The following CSNK2A2IP variants were observed in gnomAD, a reference collection of about 807,000 sequenced individuals.
CSNK2A2IP encodes casein kinase II subunit alpha'-interacting protein.
chr3:88,360,854 G>A, the CSNK2A2IP span, among the ~76,000 whole-genome samples: 12 of 151,352 alleles, frequency 7.9e-5, no homozygotes, highest in South Asian at 2.3e-3. Context: ...TTGTAGGTTT[G>A]GCTTTGTGGT....
the CSNK2A2IP span, among the ~76,000 whole-genome samples, chr3:88,440,565 A>T: frequency 2.0e-5 from 3 of 152,190 alleles, no homozygotes; most frequent in Admixed American, 2.0e-4. Context: ...ATGTTTTAAA[A>T]CTTTTTGGAA....
the CSNK2A2IP span, among the ~76,000 whole-genome samples, chr3:88,361,127 T>G: frequency 2.0e-5 from 3 of 152,206 alleles, no homozygotes; most frequent in Non-Finnish European, 4.4e-5. Context: ...CATACTAAAT[T>G]TATGAGTTGT....
chr3:88,430,844 GA>G, the CSNK2A2IP span, among the ~76,000 whole-genome samples: 1 of 151,922 alleles, frequency 6.6e-6, no homozygotes, highest in Non-Finnish European at 1.5e-5. Context: ...CCCATCCACT[GA>G]AATGGTGACA....
the CSNK2A2IP span, among the ~76,000 whole-genome samples, chr3:88,388,005 C>T: frequency 7.1e-3 from 1,087 of 152,240 alleles, 7 homozygotes; most frequent in Non-Finnish European, 0.011. Flanking sequence ...GGGAAATAAA[C>T]ATTATTATAA....
the CSNK2A2IP span, chr3:88,467,059 C>A: frequency 2.1e-6 from 2 of 958,250 alleles, no homozygotes; most frequent in Non-Finnish European, 2.7e-6. Flanking sequence ...ACGGGATATC[C>A]AGGGACTTAA....
At chr3:88,381,096 A>C in the CSNK2A2IP span, among the ~76,000 whole-genome samples, 1 of 152,134 alleles carries the variant, frequency 6.6e-6, no homozygotes, top group Non-Finnish European at 1.5e-5. Context: ...AGCAGGGAAA[A>C]ACCTCAGTGG....
chr3:88,412,408 G>A, the CSNK2A2IP span, among the ~76,000 whole-genome samples: 446 of 152,080 alleles, frequency 2.9e-3, 5 homozygotes, highest in Non-Finnish European at 4.9e-3. Flanking sequence ...GACAAGGAGA[G>A]GCTCATCCCA....
the CSNK2A2IP span, among the ~76,000 whole-genome samples, chr3:88,404,208 G>T: frequency 6.6e-6 from 1 of 152,120 alleles, no homozygotes. Flanking sequence ...GGAAAGGTGT[G>T]GGGCTGCTAG....
the CSNK2A2IP span, among the ~76,000 whole-genome samples, chr3:88,435,273 C>A: frequency 6.6e-6 from 1 of 152,128 alleles, no homozygotes; most frequent in East Asian, 1.9e-4. Context: ...TGAATATTTA[C>A]TTCTGTTTTC....
the CSNK2A2IP span, among the ~76,000 whole-genome samples, chr3:88,440,416 A>T: frequency 6.6e-6 from 1 of 152,118 alleles, no homozygotes; most frequent in African/African-American, 2.4e-5. Context: ...GGCTTCAAAG[A>T]GGAGTTGTGT....
At chr3:88,378,692 T>C in the CSNK2A2IP span, among the ~76,000 whole-genome samples, 1 of 152,090 alleles carries the variant, frequency 6.6e-6, no homozygotes, top group African/African-American at 2.4e-5. Context: ...TTAAAATTTA[T>C]ATTATGGTAG....
At chr3:88,352,687 T>G in the CSNK2A2IP span, among the ~76,000 whole-genome samples, 2 of 152,112 alleles carry the variant, frequency 1.3e-5, no homozygotes, top group South Asian at 4.1e-4. Flanking sequence ...CTAATGATCC[T>G]CCTGCCTCAG....
the CSNK2A2IP span, chr3:88,399,682 GAC>G: frequency 6.6e-6 from 1 of 152,174 alleles, no homozygotes; most frequent in Admixed American, 6.5e-5. Context: ...GCAAACTAAA[GAC>G]AGCGAGCCCC....
chr3:88,456,937 A>C, the CSNK2A2IP span, among the ~76,000 whole-genome samples: 2 of 152,046 alleles, frequency 1.3e-5, no homozygotes, highest in Non-Finnish European at 2.9e-5. Flanking sequence ...TCTTGAATAG[A>C]TATTCAAACT....
At chr3:88,466,063 C>T in the CSNK2A2IP span, 36 of 1,231,516 alleles carry the variant, frequency 2.9e-5, no homozygotes, top group South Asian at 1.2e-4. Context: ...TTCATTGCAG[C>T]GCAATCAAAG....
At chr3:88,375,547 T>C in the CSNK2A2IP span, among the ~76,000 whole-genome samples, 2 of 151,764 alleles carry the variant, frequency 1.3e-5, no homozygotes, top group Admixed American at 1.3e-4. Flanking sequence ...AGCATCTCCC[T>C]GGTTCTTTGG....
chr3:88,459,169 A>G, the CSNK2A2IP span, among the ~76,000 whole-genome samples: 5 of 152,184 alleles, frequency 3.3e-5, no homozygotes, highest in African/African-American at 1.2e-4. Context: ...CAGGGAAGTA[A>G]AAAATACAAA....
chr3:88,446,494 A>G, the CSNK2A2IP span, among the ~76,000 whole-genome samples: 1 of 152,052 alleles, frequency 6.6e-6, no homozygotes, highest in South Asian at 2.1e-4. Context: ...TTCCAACTGA[A>G]TTTTTCCAAT....
At chr3:88,360,467 G>GT in the CSNK2A2IP span, among the ~76,000 whole-genome samples, 4 of 152,060 alleles carry the variant, frequency 2.6e-5, no homozygotes, top group Non-Finnish European at 5.9e-5. Flanking sequence ...TTTATCTCAT[G>GT]TAAGTATAGT....
Sources: allele counts gnomAD v4.1 joint callset (sites outside exome capture counted in the v4.1 genomes callset), GRCh38; gene constraint gnomAD v4.1.1; transcripts MANE v1.5; gene names NCBI Gene and HGNC (gene_info 2026-07-23, HGNC 2026-07-21).